Variants in ME2 observed in about 807,000 individuals in gnomAD.
The protein encoded by ME2 is NAD-dependent malic enzyme, mitochondrial.
In ME2, 60 loss-of-function variants were observed where a neutral mutation model predicts 73.7. The ratio of observed to expected loss-of-function variants is 0.81; its 90% CI spans 0.66 to 1.01. The LOEUF is 1.01. ME2 is among the 50% of genes least tolerant of loss of function. ME2 has a pLI of 0.00. For synonymous variants in ME2, 199 were observed against 236.9 expected (o/e 0.84, Z 1.47); for missense variants, 594 against 705.5 (o/e 0.84, Z 1.79).
At chr18:50,941,620 C>T (rs535250303) in intron 15 of ME2, among the ~76,000 whole-genome samples, 4 of 149,704 alleles carry the variant, frequency 2.7e-5, no homozygotes, top group South Asian at 4.2e-4. Context: ...GGTGATCCAC[C>T]GGCCCTGGCC....
chr18:50,912,321 C>T (rs1917175737), intron 3 of ME2, among the ~76,000 whole-genome samples: 2 of 152,206 alleles, frequency 1.3e-5, no homozygotes, highest in Non-Finnish European at 2.9e-5. Flanking sequence ...CCTTATAATA[C>T]TTCTAACGCT....
chr18:50,905,819 A>G (rs1917005131), intron 2 of ME2, among the ~76,000 whole-genome samples: 1 of 152,138 alleles, frequency 6.6e-6, no homozygotes, highest in Non-Finnish European at 1.5e-5. Flanking sequence ...TAGATTGTAA[A>G]TGTTTCTTAT....
At chr18:50,936,474 C>G (rs925548794) in intron 13 of ME2, among the ~76,000 whole-genome samples, 1 of 152,012 alleles carries the variant, frequency 6.6e-6, no homozygotes, top group Non-Finnish European at 1.5e-5. Context: ...GTGGGTACAA[C>G]AAAATGAATG....
At chr18:50,933,695 A>G (rs1260818219) in intron 13 of ME2, 1 of 151,818 alleles carries the variant, frequency 6.6e-6, no homozygotes, top group Non-Finnish European at 1.5e-5. Context: ...AGGGGTACAT[A>G]TGAAGGTTTG....
At chr18:50,916,392 T>C in intron 5 of ME2, 149 bp downstream of exon 5, 1 of 574,348 alleles carries the variant, frequency 1.7e-6, no homozygotes, top group Non-Finnish European at 3.0e-6. Flanking sequence ...GAAGTGATGA[T>C]AATAGTAGTA....
At chr18:50,919,585 A>G (rs755342156) in intron 7 of ME2, among the ~76,000 whole-genome samples, 1 of 152,048 alleles carries the variant, frequency 6.6e-6, no homozygotes, top group Non-Finnish European at 1.5e-5. Flanking sequence ...CTAATAGTTC[A>G]TAGTTACTCC....
rs1457036013 is a variant in ME2 at position 50,947,029 on chromosome 18, C to T, written c.1600C>T (p.Leu534=). The change falls in exon 16 of 16, where the codon CTA becomes TTA. Residue 534 remains leucine (L), a synonymous_variant. Coordinates refer to ENST00000321341, the MANE Select transcript of ME2 (RefSeq NM_002396.5). ...INIAIKVTEY[L]YANKMAFRYP... ...ACTTATTTTTCAGGTTACAGAATAC[C>T]TATATGCTAATAAAATGGCTTTCCG... is the stretch of plus-strand genomic sequence containing the variant. 1 of 1,612,546 alleles carries T rather than the reference C, an allele frequency of 6.2e-7. No individual in the cohort carries two copies. Among genetic ancestry groups the T allele is most frequent in the Non-Finnish European group, 8.5e-7 (1 of 1,178,628 alleles).
chr18:50,894,055 T>A (rs1203301743), intron 1 of ME2, among the ~76,000 whole-genome samples: 1 of 152,238 alleles, frequency 6.6e-6, no homozygotes, highest in African/African-American at 2.4e-5. Flanking sequence ...TAACCCTGAC[T>A]GCGTCATATT....
At chr18:50,882,658 C>G (rs1916351503) in intron 1 of ME2, among the ~76,000 whole-genome samples, 1 of 152,108 alleles carries the variant, frequency 6.6e-6, no homozygotes. Context: ...TTAAACACTA[C>G]TGCAATCTGG....
At chr18:50,898,927 T>C (rs184033999) in intron 2 of ME2, among the ~76,000 whole-genome samples, 17 of 152,370 alleles carry the variant, frequency 1.1e-4, no homozygotes, top group African/African-American at 3.6e-4. Context: ...TATACAAGTA[T>C]AAAATTGGAT....
chr18:50,890,935 C>T (rs1916593509), intron 1 of ME2, among the ~76,000 whole-genome samples: 1 of 152,176 alleles, frequency 6.6e-6, no homozygotes, highest in South Asian at 2.1e-4. Context: ...CCATATTGAG[C>T]CTGGCTCTGC....
intron 1 of ME2, among the ~76,000 whole-genome samples, chr18:50,888,994 A>C (rs567809225): frequency 2.0e-5 from 3 of 152,106 alleles, no homozygotes; most frequent in Non-Finnish European, 4.4e-5. Flanking sequence ...CATCACTTTC[A>C]ATATTTGTAT....
At position 50,895,925 on chromosome 18, in the gene ME2, C is replaced by T. The variant is rs1264067177; in HGVS notation, c.105C>T (p.Asn35=). 1 of 1,596,636 alleles carries T rather than the reference C, an allele frequency of 6.3e-7. No individual in the cohort carries two copies. Among genetic ancestry groups the T allele is most frequent in the Non-Finnish European group, 8.6e-7 (1 of 1,164,396 alleles). Residue 35 remains asparagine (N), a synonymous_variant, in exon 2 of 16, where the codon AAC becomes AAT. Coordinates refer to ENST00000321341, the MANE Select transcript of ME2 (RefSeq NM_002396.5). ...CACTTATGCTGAACCCAAGAACAAA[C>T]AAGGTTAGTAACATTAATATCAATG... ...GKPLMLNPRT[N]KGMAFTLQER... is the part of the protein sequence containing the mutation.
At chr18:50,921,601 A>C (rs1338319254) in intron 10 of ME2, among the ~76,000 whole-genome samples, 1 of 151,968 alleles carries the variant, frequency 6.6e-6, no homozygotes, top group Non-Finnish European at 1.5e-5. Context: ...TTTTGAGATG[A>C]AGTCTCTCTC....
At chr18:50,932,670 A>T (rs1917726244) in intron 13 of ME2, 1 of 195,226 alleles carries the variant, frequency 5.1e-6, no homozygotes, top group South Asian at 1.0e-4. Flanking sequence ...CTCCTTAATC[A>T]TACTTCTCAG....
chr18:50,933,942 A>G (rs1185373430), intron 13 of ME2: 2 of 152,052 alleles, frequency 1.3e-5, no homozygotes, highest in Non-Finnish European at 2.9e-5. Flanking sequence ...GTGTTAGTTC[A>G]CTTAGGATAA....
rs1568169380 is a variant in ME2 at position 50,921,169 on chromosome 18, G to C, written c.1038G>C (p.Lys346Asn). The C allele has an allele frequency of 6.3e-7, 1 of 1,579,606 alleles. No homozygotes were observed. The highest frequency in any genetic ancestry group is 1.1e-5 in the South Asian group (1 of 88,688). ...EAQKKIWMFD[K>N]YGLLVKGRKA... ...AAAAGAAAATCTGGATGTTTGACAA[G>C]TATGGTTTATTAGTTAAGGTAAGGT... The change falls in exon 10 of 16, where the codon AAG (lysine) becomes AAC (asparagine). Residue 346 changes from lysine to asparagine, a missense_variant. By Grantham distance (94) the Lys-to-Asn change is moderately conservative. Transcript: ENST00000321341.
At chr18:50,932,227 C>T (rs755391277) in intron 12 of ME2, 31 bp from the exon 13 acceptor site, 3 of 1,569,020 alleles carry the variant, frequency 1.9e-6, no homozygotes, top group Admixed American at 1.7e-5. Context: ...CAGAAAATAA[C>T]AAAATTGAAG....
chr18:50,883,514 G>A (rs1916374793), intron 1 of ME2, among the ~76,000 whole-genome samples: 1 of 152,180 alleles, frequency 6.6e-6, no homozygotes, highest in South Asian at 2.1e-4. Context: ...ACTCATGGAA[G>A]GGGCAAGGCA....
Sources: allele counts gnomAD v4.1 joint callset (sites outside exome capture counted in the v4.1 genomes callset), GRCh38; gene constraint gnomAD v4.1.1; transcripts MANE v1.5; gene names NCBI Gene and HGNC (gene_info 2026-07-23, HGNC 2026-07-21).